The following RIMS1 variants were observed in gnomAD, a reference collection of about 807,000 sequenced individuals.
RIMS1 encodes the protein regulating synaptic membrane exocytosis protein 1.
A neutral mutation model predicts 214.1 loss-of-function variants in RIMS1; 83 were observed. The ratio of observed to expected loss-of-function variants is 0.39; its 90% CI spans 0.32 to 0.47. The LOEUF (loss-of-function observed/expected upper bound fraction) is 0.47. Ranked by LOEUF, RIMS1 falls within the 20% of genes least tolerant of loss-of-function variation. The pLI, the probability that RIMS1 is intolerant of heterozygous loss-of-function variation, is 0.99. For missense variants in RIMS1, 2,050 were observed against 2,161.8 expected (o/e 0.95, Z 1.03); for synonymous variants, 793 against 786.8 (o/e 1.01, Z -0.13).
At chr6:72,228,134 A>T (rs2060824334) in intron 6 of RIMS1, among the ~76,000 whole-genome samples, 1 of 151,886 alleles carries the variant, frequency 6.6e-6, no homozygotes, top group Admixed American at 6.6e-5. Flanking sequence ...CACCCTGTTT[A>T]TTATTATCTT....
At chr6:72,382,589 TACA>T (rs1317251695) in intron 29 of RIMS1, among the ~76,000 whole-genome samples, 1 of 152,164 alleles carries the variant, frequency 6.6e-6, no homozygotes, top group Non-Finnish European at 1.5e-5. Flanking sequence ...TTAATAACAC[TACA>T]ACATCAGTTC....
At chr6:72,303,063 A>T (rs1205516361) in intron 26 of RIMS1, among the ~76,000 whole-genome samples, 1 of 150,936 alleles carries the variant, frequency 6.6e-6, no homozygotes, top group African/African-American at 2.4e-5. Flanking sequence ...AAATTTATGA[A>T]TATTTTAAAT....
intron 27 of RIMS1, among the ~76,000 whole-genome samples, chr6:72,312,637 G>A (rs2095567562): frequency 6.6e-6 from 1 of 152,048 alleles, no homozygotes; most frequent in Non-Finnish European, 1.5e-5. Context: ...ATTTTAATAA[G>A]GATCCAGTAT....
rs541978220 is a variant in RIMS1 at position 72,322,836 on chromosome 6, C to G, written c.4130+9164C>G. 1.1e-3 allele frequency among the ~76,000 whole-genome samples: 168 copies of G among 152,188 alleles called. 1 individual carries two copies. The highest frequency in any genetic ancestry group is 3.7e-3 in the African/African-American group (153 of 41,544). On this transcript the variant is annotated intron_variant, in intron 28 of 33. Coordinates refer to ENST00000521978, the MANE Select transcript of RIMS1 (RefSeq NM_014989.7). Reference sequence around the variant, plus strand: ...ATAAATTTCACAATTCAGGAACTGACAGAGAAACTGGAAATTGTGAGGGTG... The same window carrying G: ...ATAAATTTCACAATTCAGGAACTGAGAGAGAAACTGGAAATTGTGAGGGTG...
At chr6:71,996,354 T>C (rs1803426690) in intron 2 of RIMS1, among the ~76,000 whole-genome samples, 1 of 152,234 alleles carries the variant, frequency 6.6e-6, no homozygotes, top group African/African-American at 2.4e-5. Context: ...AAAACCTTAT[T>C]AAAACCTTGC....
At chr6:72,276,888 G>C (rs951804201) in intron 23 of RIMS1, among the ~76,000 whole-genome samples, 7 of 152,270 alleles carry the variant, frequency 4.6e-5, no homozygotes, top group African/African-American at 1.4e-4. Context: ...TCTAAATGAA[G>C]TAAATATGGC....
intron 1 of RIMS1, among the ~76,000 whole-genome samples, chr6:71,935,705 C>T (rs974620754): frequency 2.6e-5 from 4 of 152,140 alleles, no homozygotes; most frequent in South Asian, 4.1e-4. Context: ...TGTACAAATA[C>T]GAGTTGTAAC....
chr6:72,129,078 A>T (rs2040045219), intron 4 of RIMS1, among the ~76,000 whole-genome samples: 1 of 152,118 alleles, frequency 6.6e-6, no homozygotes, highest in South Asian at 2.1e-4. Context: ...TTTCCTTCAA[A>T]ATTGTTTTTA....
chr6:72,073,047 C>T (rs1830944188), intron 2 of RIMS1, among the ~76,000 whole-genome samples: 1 of 151,922 alleles, frequency 6.6e-6, no homozygotes, highest in Non-Finnish European at 1.5e-5. Context: ...AGAGAAATAC[C>T]TCTTGGGGTT....
At chr6:72,277,356 C>A (rs1048861239) in intron 23 of RIMS1, among the ~76,000 whole-genome samples, 1 of 151,956 alleles carries the variant, frequency 6.6e-6, no homozygotes, top group Non-Finnish European at 1.5e-5. Context: ...CCGAGGCGGG[C>A]GGATCATGAG....
chr6:72,347,009 T>G (rs2097288137), intron 29 of RIMS1, among the ~76,000 whole-genome samples: 1 of 151,910 alleles, frequency 6.6e-6, no homozygotes, highest in Non-Finnish European at 1.5e-5. Context: ...CATTGTTCTC[T>G]GCTTCTCAGA....
At chr6:72,292,473 C>G (rs1188450026) in intron 26 of RIMS1, among the ~76,000 whole-genome samples, 1 of 151,828 alleles carries the variant, frequency 6.6e-6, no homozygotes, top group East Asian at 1.9e-4. Flanking sequence ...TTAGCAGTAG[C>G]CTATATTTTA....
intron 4 of RIMS1, among the ~76,000 whole-genome samples, chr6:72,114,921 A>G (rs1021813970): frequency 6.6e-6 from 1 of 151,912 alleles, no homozygotes. Context: ...TTCCTCACAC[A>G]AAGTTCTAGA....
chr6:71,966,758 A>G (rs956019037), intron 1 of RIMS1, among the ~76,000 whole-genome samples: 2 of 152,062 alleles, frequency 1.3e-5, no homozygotes, highest in Non-Finnish European at 2.9e-5. Context: ...CTTGACCTCA[A>G]CTGATCCACT....
intron 12 of RIMS1, among the ~76,000 whole-genome samples, chr6:72,249,267 A>G (rs554197174): frequency 2.2e-4 from 34 of 152,378 alleles, no homozygotes; most frequent in African/African-American, 8.2e-4. Context: ...TGTCATCACC[A>G]CTGCCAGGGC....
intron 19 of RIMS1, chr6:72,261,116 C>T: frequency 4.2e-6 from 5 of 1,182,774 alleles, no homozygotes; most frequent in Non-Finnish European, 5.3e-6. Context: ...TGTCTAGTCA[C>T]AAGAGGTCTA....
rs144499129 is a variant in RIMS1, at chr6:72,247,035, A to T, written c.2129-980A>T. Among the ~76,000 whole-genome samples the T allele has an allele frequency of 2.1e-3, 313 of 152,298 alleles. 4 individuals carry two copies. Among genetic ancestry groups the T allele is most frequent in the African/African-American group, 6.9e-3 (287 of 41,580 alleles). On this transcript the variant is annotated intron_variant, in intron 11 of 33. Coordinates refer to ENST00000521978, the MANE Select transcript of RIMS1 (RefSeq NM_014989.7). ...ACTCAGGCAATGCTTCATAAACAGT[A>T]TTTCTCAATGAAGCATTGGCTAAGT...
At chr6:72,240,171 A>G (rs1421799450) in intron 9 of RIMS1, among the ~76,000 whole-genome samples, 5 of 152,182 alleles carry the variant, frequency 3.3e-5, no homozygotes, top group Admixed American at 6.5e-5. Flanking sequence ...TCCCTGCTTG[A>G]TTATCCATAC....
At chr6:71,992,438 C>CTTTCTTTCTT (rs1801985598) in intron 2 of RIMS1, among the ~76,000 whole-genome samples, 1 of 145,124 alleles carries the variant, frequency 6.9e-6, no homozygotes, top group Non-Finnish European at 1.5e-5. Flanking sequence ...TTCTTTCTTT[C>CTTTCTTTCTT]TTTCTTTCTT....
Sources: gnomAD v4.1 joint callset for allele counts (sites outside exome capture counted in the v4.1 genomes callset) on GRCh38, gnomAD v4.1.1 for gene constraint, MANE v1.5 for transcripts, NCBI Gene and HGNC (gene_info 2026-07-23, HGNC 2026-07-21) for gene names.